The following TRMT11 variants were observed in gnomAD, a reference collection of about 807,000 sequenced individuals.
The protein encoded by TRMT11 is tRNA methyltransferase 11.
A neutral mutation model predicts 62.8 loss-of-function variants in TRMT11; 53 were observed. That is an observed-to-expected ratio of 0.84 (90% CI 0.68 to 1.06). TRMT11 has a LOEUF of 1.06. Among genes scored for constraint, TRMT11 ranks in the 50% least tolerant of loss-of-function variants. The probability of loss-of-function intolerance (pLI) is 0.00; values close to 1 mark genes in which losing one functional copy is unlikely to be tolerated. For missense variants in TRMT11, 556 were observed against 553.4 expected (o/e 1.00, Z -0.05); for synonymous variants, 188 against 190.3 (o/e 0.99, Z 0.10).
chr6:126,082,748 GT>G (rs1395768564), intron 17 of TRMT11, among the ~76,000 whole-genome samples: 2 of 152,036 alleles, frequency 1.3e-5, no homozygotes, highest in Non-Finnish European at 2.9e-5. Flanking sequence ...GGAATTTTAT[GT>G]CCTATTTAAA....
chr6:126,023,005 A>G (rs1427511341), intron 12 of TRMT11, among the ~76,000 whole-genome samples: 10 of 152,202 alleles, frequency 6.6e-5, no homozygotes, highest in Non-Finnish European at 2.9e-5. Context: ...GCCTTTAAAG[A>G]AGTATTCTTT....
chr6:126,027,076 G>C (rs1226283502), intron 12 of TRMT11, among the ~76,000 whole-genome samples: 1 of 152,094 alleles, frequency 6.6e-6, no homozygotes, highest in Non-Finnish European at 1.5e-5. Flanking sequence ...AAAGTGCTGG[G>C]ATTACAGGCA....
intron 1 of TRMT11, among the ~76,000 whole-genome samples, chr6:125,989,155 A>C (rs1562228541): frequency 8.9e-6 from 1 of 112,488 alleles, no homozygotes; most frequent in African/African-American, 3.6e-5. Flanking sequence ...TTTGAGACGG[A>C]GTCTCGCTCT....
intron 21 of TRMT11, among the ~76,000 whole-genome samples, chr6:126,128,962 C>A (rs953760089): frequency 8.8e-5 from 8 of 91,018 alleles, no homozygotes; most frequent in African/African-American, 3.4e-4. Flanking sequence ...ACAACTTTTT[C>A]TTGTTGTCTA....
chr6:125,994,331 CT>C (rs918127605), intron 2 of TRMT11, among the ~76,000 whole-genome samples: 1 of 149,962 alleles, frequency 6.7e-6, no homozygotes, highest in African/African-American at 2.5e-5. Context: ...TTTTCGTGTA[CT>C]TTTTTTTCCC....
intron 1 of TRMT11, among the ~76,000 whole-genome samples, chr6:126,179,961 A>C (rs1778436628): frequency 6.6e-6 from 1 of 152,210 alleles, no homozygotes; most frequent in South Asian, 2.1e-4. Flanking sequence ...CAACTCTGTC[A>C]AACCAGTTTC....
At chr6:126,223,791 C>T in the TRMT11 span, among the ~76,000 whole-genome samples, 24 of 152,284 alleles carry the variant, frequency 1.6e-4, no homozygotes, top group African/African-American at 5.8e-4. Flanking sequence ...TCAGGGACTC[C>T]AAAGAGTTGT....
In TRMT11 at chr6:126,012,852, G is replaced by A. The variant is rs1794426445; in HGVS notation, c.1007G>A (p.Cys336Tyr). 3 of 1,613,150 alleles carry A rather than the reference G, an allele frequency of 1.9e-6. No homozygotes were observed. The East Asian group carries it at 6.7e-5, about 36-fold the overall frequency. The change falls in exon 10 of 13, where the codon TGT becomes TAT. Residue 336 changes from cysteine (C) to tyrosine (Y), a missense_variant and splice_region_variant. Cys to Tyr is a radical substitution (Grantham distance 194). Transcript: ENST00000334379. Reference sequence around the variant, plus strand: ...AAGGGGATAGAAAAATGGGAAAAATGGTAAGTGAAATTTAAATATGATGTG... The same window carrying A: ...AAGGGGATAGAAAAATGGGAAAAATAGTAAGTGAAATTTAAATATGATGTG... ...IPKGIEKWEKCPESHVPVSLS... is the reference protein window; with the variant it reads ...IPKGIEKWEKYPESHVPVSLS...
chr6:126,102,607 T>TAGGCAGGA (rs1383392746), intron 17 of TRMT11, among the ~76,000 whole-genome samples: 1 of 151,884 alleles, frequency 6.6e-6, no homozygotes, highest in Admixed American at 6.6e-5. Flanking sequence ...CTAACAATGC[T>TAGGCAGGA]AGGCAGGAAG....
At chr6:126,007,651 C>A (rs1389139429) in intron 7 of TRMT11, among the ~76,000 whole-genome samples, 1 of 151,680 alleles carries the variant, frequency 6.6e-6, no homozygotes, top group African/African-American at 2.4e-5. Context: ...TTATTTTAAC[C>A]TTTATTAAGA....
rs1415690435 is a variant in TRMT11 at position 126,191,255 on chromosome 6, A to G, written n.144-7544A>G. On this transcript the variant is annotated intron_variant and non_coding_transcript_variant, in intron 1 of 3. Coordinates refer to the TRMT11 transcript ENST00000444229. ...ATATGTCTTCTTTTGAGAAATGTCT[A>G]TTCAGATCTTTTGTGTATTTTAAAA... Among the ~76,000 whole-genome samples the G allele has an allele frequency of 3.3e-5, 5 of 151,968 alleles. No individual in the cohort carries two copies. The East Asian group carries it at 5.8e-4, about 18-fold the overall frequency.
chr6:125,996,151 A>G, intron 3 of TRMT11, 111 bp downstream of exon 3: 3 of 643,956 alleles, frequency 4.7e-6, no homozygotes, highest in Non-Finnish European at 5.3e-6. Context: ...GCTTGCAGTT[A>G]CATACAACTG....
intron 1 of TRMT11, among the ~76,000 whole-genome samples, chr6:125,992,784 T>C (rs759851416): frequency 2.6e-5 from 4 of 152,242 alleles, no homozygotes; most frequent in Non-Finnish European, 5.9e-5. Flanking sequence ...AAAATAACCT[T>C]TGGGCTGCCT....
chr6:126,225,685 A>ATTTTTTTTTTTTT, the TRMT11 span, among the ~76,000 whole-genome samples: 25 of 95,296 alleles, frequency 2.6e-4, no homozygotes, highest in East Asian at 5.5e-4. Context: ...TATGTTTACT[A>ATTTTTTTTTTTTT]TTTTTTTTTT....
chr6:126,093,631 A>ATATATATATATATATTTTTTTT (rs1554236842), intron 17 of TRMT11, among the ~76,000 whole-genome samples: 2 of 98,016 alleles, frequency 2.0e-5, no homozygotes, highest in Admixed American at 1.2e-4. Context: ...ATATATATAT[A>ATATATATATATATATTTTTTTT]TTTTCCCCCA....
At chr6:126,167,170 A>C (rs977519506) in intron 21 of TRMT11, among the ~76,000 whole-genome samples, 3 of 151,258 alleles carry the variant, frequency 2.0e-5, no homozygotes, top group African/African-American at 7.3e-5. Context: ...TATGAAAAAA[A>C]CTCCTGCAGC....
intron 1 of TRMT11, 137 bp from the exon 2 acceptor site, chr6:125,993,620 C>G: frequency 2.3e-5 from 10 of 442,906 alleles, no homozygotes; most frequent in Admixed American, 4.1e-5. Context: ...TTGTAATTGT[C>G]TGATGTTGAA....
At chr6:126,220,650 T>G in the TRMT11 span, among the ~76,000 whole-genome samples, 2 of 152,318 alleles carry the variant, frequency 1.3e-5, no homozygotes, top group African/African-American at 4.8e-5. Flanking sequence ...AAGAGTCCAT[T>G]TATACCCATC....
At chr6:126,092,483 C>T (rs1777288189) in intron 17 of TRMT11, among the ~76,000 whole-genome samples, 1 of 152,266 alleles carries the variant, frequency 6.6e-6, no homozygotes. Flanking sequence ...GAAACCGCCC[C>T]CATGATTCAA....
Sources: allele counts gnomAD v4.1 joint callset (sites outside exome capture counted in the v4.1 genomes callset), GRCh38; gene constraint gnomAD v4.1.1; transcripts MANE v1.5; gene names NCBI Gene and HGNC (gene_info 2026-07-23, HGNC 2026-07-21).